Variants in RASGRF2 observed in about 807,000 individuals in gnomAD.
RASGRF2 encodes the protein Ras protein specific guanine nucleotide releasing factor 2.
RASGRF2 carries 76 observed loss-of-function variants against 151.0 expected under a neutral mutation model. The observed-to-expected ratio is 0.50, with a 90% CI of 0.42 to 0.61. The LOEUF (loss-of-function observed/expected upper bound fraction) is 0.61. Ranked by LOEUF, RASGRF2 falls within the 20% of genes least tolerant of loss-of-function variation. RASGRF2 has a pLI of 0.00. For missense variants in RASGRF2, 1,148 were observed against 1,564.6 expected (o/e 0.73, Z 4.49); for synonymous variants, 504 against 566.5 (o/e 0.89, Z 1.57).
intron 23 of RASGRF2, among the ~76,000 whole-genome samples, chr5:81,215,089 C>T (rs573489721): frequency 2.4e-4 from 36 of 152,074 alleles, no homozygotes; most frequent in Non-Finnish European, 4.6e-4. Flanking sequence ...CTGTAATCCC[C>T]ACATTTTGGG....
In RASGRF2 at chr5:81,023,429, T is replaced by A. The variant is rs554515454; in HGVS notation, c.289-19448T>A. Among the ~76,000 whole-genome samples the A allele has an allele frequency of 1.6e-4, 25 of 152,306 alleles. No individual in the cohort carries two copies. In the South Asian group the frequency reaches 5.0e-3, roughly 30 times the overall value. ...GTGTCTGCTGCTATTTTCCATCCTC[T>A]AGGGGACCTGTGAAGCCCCAGATCT... On this transcript the variant is annotated intron_variant, in intron 1 of 26. Coordinates refer to ENST00000265080, the MANE Select transcript of RASGRF2 (RefSeq NM_006909.3).
intron 3 of RASGRF2, among the ~76,000 whole-genome samples, chr5:81,069,822 G>A (rs942737279): frequency 1.3e-5 from 2 of 152,200 alleles, no homozygotes; most frequent in African/African-American, 2.4e-5. Flanking sequence ...AGAGCCTGCT[G>A]TTGAGTGCCG....
At chr5:81,132,890 G>A (rs922452094) in intron 17 of RASGRF2, among the ~76,000 whole-genome samples, 6 of 152,126 alleles carry the variant, frequency 3.9e-5, no homozygotes, top group Admixed American at 2.6e-4. Flanking sequence ...AAACTTTTAG[G>A]GCACCTCCCG....
At chr5:80,977,469 A>ATTTATTTATTTATTTC (rs1477454623) in intron 1 of RASGRF2, among the ~76,000 whole-genome samples, 1 of 151,974 alleles carries the variant, frequency 6.6e-6, no homozygotes, top group African/African-American at 2.4e-5. Context: ...TTATTTATTT[A>ATTTATTTATTTATTTC]TTTATTTATT....
intron 15 of RASGRF2, among the ~76,000 whole-genome samples, chr5:81,119,447 T>C (rs1753245620): frequency 6.6e-6 from 1 of 152,242 alleles, no homozygotes; most frequent in Non-Finnish European, 1.5e-5. Flanking sequence ...GTACTCATGA[T>C]GTAGTCACCT....
intron 17 of RASGRF2, among the ~76,000 whole-genome samples, chr5:81,151,385 CTTTTT>C (rs34158947): frequency 7.4e-6 from 1 of 134,666 alleles, no homozygotes. Context: ...AAACTGGTAC[CTTTTT>C]TTTTTTTTTT....
At chr5:81,129,088 G>A (rs184663325) in intron 17 of RASGRF2, among the ~76,000 whole-genome samples, 12 of 152,286 alleles carry the variant, frequency 7.9e-5, no homozygotes, top group Admixed American at 2.6e-4. Flanking sequence ...GCAGTGAGCC[G>A]AGATCATCCA....
chr5:81,076,732 G>T lies in RASGRF2; in HGVS notation c.887+3280G>T, dbSNP rs115695505. On this transcript the variant is annotated intron_variant, in intron 5 of 26. Coordinates refer to ENST00000265080, the MANE Select transcript of RASGRF2 (RefSeq NM_006909.3). Reference sequence around the variant, plus strand: ...ATGGGGCAGATGGGAGGGAAGTGTCGGAGCTGGAGAAGAGAGAAAGAGGTG... The same window carrying T: ...ATGGGGCAGATGGGAGGGAAGTGTCTGAGCTGGAGAAGAGAGAAAGAGGTG... 5.4e-3 allele frequency among the ~76,000 whole-genome samples: 817 copies of T among 152,238 alleles called. 8 individuals carry two copies. The highest frequency in any genetic ancestry group is 0.019 in the African/African-American group (777 of 41,516).
intron 18 of RASGRF2, among the ~76,000 whole-genome samples, chr5:81,186,937 T>C (rs1755038528): frequency 6.6e-6 from 1 of 152,200 alleles, no homozygotes; most frequent in Non-Finnish European, 1.5e-5. Context: ...TCTTCATCTG[T>C]AAAAATGGGG....
Position 81,127,133 on chromosome 5 carries a change from A to G in RASGRF2, c.2656A>G (p.Thr886Ala). 1.2e-6 allele frequency: 2 copies of G among 1,614,064 alleles called. No homozygotes were observed. The highest frequency in any genetic ancestry group is 1.7e-6 in the Non-Finnish European group (2 of 1,179,972). The change falls in exon 17 of 27, where the codon ACA becomes GCA. Residue 886 changes from threonine (T) to alanine (A), a missense_variant. Thr to Ala is a moderately conservative substitution (Grantham distance 58, BLOSUM62 0). Transcript: ENST00000265080. ...VSPASAFAIA[T>A]AAAGHGSPPG... is the part of the protein sequence containing the mutation. ...ACCGGCTTCTGCTTTTGCAATAGCC[A>G]CAGCTGCAGCAGGACATGGGAGTCC... is the stretch of plus-strand genomic sequence containing the variant.
intron 2 of RASGRF2, among the ~76,000 whole-genome samples, chr5:81,044,089 G>T (rs960544395): frequency 1.3e-5 from 2 of 152,122 alleles, no homozygotes; most frequent in Non-Finnish European, 2.9e-5. Context: ...TTATGTAGTA[G>T]GTGATCAGGA....
At chr5:81,212,315 G>A in intron 22 of RASGRF2, 51 bp from the exon 23 acceptor site, 1 of 1,434,548 alleles carries the variant, frequency 7.0e-7, no homozygotes, top group Non-Finnish European at 9.5e-7. Flanking sequence ...TTGCCTAAAT[G>A]CACTGCTTGG....
chr5:81,005,429 C>G (rs578036601), intron 1 of RASGRF2, among the ~76,000 whole-genome samples: 1 of 152,256 alleles, frequency 6.6e-6, no homozygotes, highest in Non-Finnish European at 1.5e-5. Flanking sequence ...TCCCATGATT[C>G]CATTACCTCC....
intron 18 of RASGRF2, among the ~76,000 whole-genome samples, chr5:81,191,282 G>A (rs542323146): frequency 1.1e-4 from 16 of 152,074 alleles, no homozygotes; most frequent in Non-Finnish European, 2.2e-4. Context: ...GCTCTCAGAT[G>A]TCATTAACTT....
chr5:81,118,258 T>C (rs766406746), intron 15 of RASGRF2, among the ~76,000 whole-genome samples: 6 of 152,236 alleles, frequency 3.9e-5, no homozygotes, highest in Non-Finnish European at 8.8e-5. Context: ...AAGGAAGCTG[T>C]GCCTTCACAG....
At chr5:81,202,704 T>C (rs1201460322) in intron 19 of RASGRF2, among the ~76,000 whole-genome samples, 1 of 152,090 alleles carries the variant, frequency 6.6e-6, no homozygotes, top group Non-Finnish European at 1.5e-5. Flanking sequence ...GGTGGAGGTA[T>C]TGGAGTAGGG....
chr5:81,203,396 C>G (rs745384194), intron 19 of RASGRF2, among the ~76,000 whole-genome samples: 1 of 152,198 alleles, frequency 6.6e-6, no homozygotes. Context: ...CCCATCAATT[C>G]TGAGAGCTTT....
At position 81,207,101 on chromosome 5, in the gene RASGRF2, T is replaced by G. The variant is rs567665030; in HGVS notation, c.2968-145T>G. On this transcript the variant is annotated intron_variant, in intron 20 of 26. Transcript: ENST00000265080. The stretch of plus-strand genomic sequence containing the variant: ...GATATTCATGTTGGCTTTGATACTT[T>G]TAGCTTTCTGCCATTTTTTTCATAG... The G allele has an allele frequency of 1.7e-5, 14 of 823,650 alleles. No homozygotes were observed. The South Asian group carries it at 2.4e-4, about 14-fold the overall frequency. 51.0% of individuals were successfully genotyped at this position (823,650 alleles called of 1,614,324 possible). A position where few individuals can be genotyped will look rare whatever the true frequency, so the allele number is the denominator to read the frequency against.
intron 19 of RASGRF2, among the ~76,000 whole-genome samples, chr5:81,205,632 A>G (rs1381149022): frequency 6.6e-6 from 1 of 152,266 alleles, no homozygotes; most frequent in Non-Finnish European, 1.5e-5. Context: ...TTTTAAAAGT[A>G]GCTTCCTCTT....
Sources: allele counts gnomAD v4.1 joint callset (sites outside exome capture counted in the v4.1 genomes callset), GRCh38; gene constraint gnomAD v4.1.1; transcripts MANE v1.5; gene names NCBI Gene and HGNC (gene_info 2026-07-23, HGNC 2026-07-21).